MYOM2: variants seen among roughly 807,000 people sequenced by gnomAD.
MYOM2 encodes myomesin 2.
MYOM2 carries 254 observed loss-of-function variants against 187.6 expected under a neutral mutation model. That is an observed-to-expected ratio of 1.35 (90% CI 1.22 to 1.50). MYOM2 has a LOEUF of 1.50. Ranked by LOEUF, MYOM2 falls within the 40% of genes most tolerant of loss-of-function variation. The probability of loss-of-function intolerance (pLI) is 0.00; values close to 1 mark genes in which losing one functional copy is unlikely to be tolerated. For synonymous variants in MYOM2, 981 were observed against 753.8 expected, an observed-to-expected ratio of 1.30 and a Z score of -4.94; for missense variants, 2,796 against 1,924.0, an observed-to-expected ratio of 1.45 and a Z score of -8.48.
chr8:2,057,450 C>T lies in MYOM2; in HGVS notation c.366C>T (p.Ala122=), dbSNP rs1432228265. The T allele has an allele frequency of 1.2e-6, 2 of 1,613,928 alleles. No individual in the cohort carries two copies. Among genetic ancestry groups the T allele is most frequent in the African/African-American group, 2.7e-5 (2 of 74,936 alleles). Residue 122 remains alanine (A), a synonymous_variant, in exon 4 of 37, where the codon GCC becomes GCT. Transcript: ENST00000262113. Reference sequence around the variant, plus strand: ...ATGTCCACCTGGCACGCTCCCAGGCCCGCGACAAGCTGGACAAATACGCCA... The same window carrying T: ...ATGTCCACCTGGCACGCTCCCAGGCTCGCGACAAGCTGGACAAATACGCCA... ...EEDVHLARSQ[A]RDKLDKYAIQ...
chr8:2,124,684 T>G (rs1797576925), intron 31 of MYOM2, among the ~76,000 whole-genome samples: 1 of 152,206 alleles, frequency 6.6e-6, no homozygotes, highest in South Asian at 2.1e-4. Context: ...CACACTCTTT[T>G]CTATAGTGGC....
Position 2,140,735 on chromosome 8 carries a change from C to G in MYOM2, c.3813C>G (p.Ile1271Met), listed in dbSNP as rs1390476540. ...TGCTCTTTTCAAGAGATGCTAAGAT[C>G]TCATCCAGTGAGCATATGAGAATCG... ...KVNWCHKDAK[I>M]SSSEHMRIGG... is the part of the protein sequence containing the mutation. The change falls in exon 33 of 37, where the codon ATC (isoleucine) becomes ATG (methionine). Residue 1271 changes from isoleucine (I) to methionine (M), a missense_variant. Transcript: ENST00000262113. The G allele has an allele frequency of 6.2e-7, 1 of 1,613,800 alleles. No individual in the cohort carries two copies. The highest frequency in any genetic ancestry group is 1.3e-5 in the African/African-American group (1 of 74,902).
chr8:2,077,292 C>T (rs1819460025), intron 11 of MYOM2, among the ~76,000 whole-genome samples: 1 of 151,724 alleles, frequency 6.6e-6, no homozygotes, highest in South Asian at 2.1e-4. Flanking sequence ...CCTGGCAACA[C>T]AGTGAGACTC....
At chr8:2,069,623 C>T (rs1819146847) in intron 8 of MYOM2, 126 bp downstream of exon 8, 2 of 1,231,824 alleles carry the variant, frequency 1.6e-6, no homozygotes, top group Non-Finnish European at 2.3e-6. Flanking sequence ...ACTCTGTCAC[C>T]CAGGCTGGAG....
chr8:2,092,705 C>G (rs1312204352), intron 16 of MYOM2, among the ~76,000 whole-genome samples, 185 bp downstream of exon 16: 4 of 152,198 alleles, frequency 2.6e-5, no homozygotes. Context: ...AGTTACTGCA[C>G]TTGCTCATGT....
intron 36 of MYOM2, among the ~76,000 whole-genome samples, chr8:2,144,222 A>AT (rs1000799412): frequency 5.9e-5 from 9 of 152,202 alleles, no homozygotes; most frequent in East Asian, 3.8e-4. Context: ...TCAAGAATGC[A>AT]TTTTTTTGCC....
At chr8:2,117,581 A>G (rs1396630822) in intron 27 of MYOM2, among the ~76,000 whole-genome samples, 1 of 152,188 alleles carries the variant, frequency 6.6e-6, no homozygotes, top group Non-Finnish European at 1.5e-5. Flanking sequence ...TCTGAAGAGC[A>G]ATAGATATGA....
intron 3 of MYOM2, among the ~76,000 whole-genome samples, chr8:2,056,770 T>C (rs1818679968): frequency 6.6e-6 from 1 of 152,110 alleles, no homozygotes; most frequent in African/African-American, 2.4e-5. Flanking sequence ...CTGACTTCAA[T>C]AGCACCGTTA....
chr8:2,046,333 G>T (rs1297231307), intron 1 of MYOM2, among the ~76,000 whole-genome samples: 2 of 152,180 alleles, frequency 1.3e-5, no homozygotes, highest in African/African-American at 2.4e-5. Context: ...GGAGAGGCTC[G>T]CGTTTCATCC....
At chr8:2,103,819 T>C (rs1796802360) in intron 21 of MYOM2, among the ~76,000 whole-genome samples, 1 of 151,846 alleles carries the variant, frequency 6.6e-6, no homozygotes, top group Admixed American at 6.6e-5. Flanking sequence ...GATAAATGAG[T>C]GGGAGAGTGT....
intron 31 of MYOM2, among the ~76,000 whole-genome samples, chr8:2,126,494 TTACA>T (rs1797642326): frequency 6.6e-6 from 1 of 151,888 alleles, no homozygotes; most frequent in South Asian, 2.1e-4. Flanking sequence ...ATGCACACAC[TTACA>T]TGTGAACTCA....
At chr8:2,055,597 T>G (rs552816350) in intron 3 of MYOM2, among the ~76,000 whole-genome samples, 2 of 152,276 alleles carry the variant, frequency 1.3e-5, no homozygotes, top group African/African-American at 4.8e-5. Context: ...GATTTTAGGG[T>G]TCCTCCCACC....
intron 19 of MYOM2, among the ~76,000 whole-genome samples, chr8:2,099,495 C>A (rs1796611231): frequency 6.6e-6 from 1 of 152,046 alleles, no homozygotes; most frequent in African/African-American, 2.4e-5. Flanking sequence ...TGGGTGAGCT[C>A]CTGCTGTCCT....
rs774732664 is a variant in MYOM2, at chr8:2,052,265, C to T, written c.215C>T (p.Ala72Val). Residue 72 changes from alanine to valine, a missense_variant, in exon 3 of 37, where the codon GCG (alanine) becomes GTG (valine). Transcript: ENST00000262113. ...GGAGGAACCATCTGCAGGGTCTGTG[C>T]GAAGCGAGTGAGCACGCAGGAAGAT... Reference protein sequence around the residue: ...SLGGTICRVCAKRVSTQEDEE... With the variant: ...SLGGTICRVCVKRVSTQEDEE... The T allele has an allele frequency of 1.1e-5, 17 of 1,611,308 alleles. No individual in the cohort carries two copies. The highest frequency in any genetic ancestry group is 1.7e-5 in the Admixed American group (1 of 59,666).
At chr8:2,128,574 T>G (rs1015973101) in intron 31 of MYOM2, among the ~76,000 whole-genome samples, 1 of 152,228 alleles carries the variant, frequency 6.6e-6, no homozygotes, top group Non-Finnish European at 1.5e-5. Context: ...GAATTAGTCT[T>G]CATTTTTATT....
chr8:2,081,945 C>T (rs965903358), intron 13 of MYOM2: 1 of 152,278 alleles, frequency 6.6e-6, no homozygotes, highest in Non-Finnish European at 1.5e-5. Context: ...CTGACTGGGC[C>T]TGTGTCCTCC....
At chr8:2,131,042 C>T (rs1032375616) in intron 32 of MYOM2, among the ~76,000 whole-genome samples, 1 of 152,200 alleles carries the variant, frequency 6.6e-6, no homozygotes, top group Non-Finnish European at 1.5e-5. Flanking sequence ...GGCCACCCCC[C>T]TCTTCAGCCT....
chr8:2,144,846 G>C lies in MYOM2; in HGVS notation c.4263G>C (p.Lys1421Asn), dbSNP rs147283014. The change falls in exon 37 of 37, where the codon AAG becomes AAC. Residue 1421 changes from lysine (K) to asparagine (N), a missense_variant. Physicochemically the swap from Lys to Asn is moderately conservative, Grantham distance 94 (BLOSUM62 0). Transcript: ENST00000262113. ...EDSGKYSINI[K>N]NKYGGEKIDV... ...CGGGCAAGTACAGCATCAACATCAA[G>C]AATAAGTATGGCGGGGAGAAGATCG... 1.4e-4 allele frequency: 228 copies of C among 1,614,052 alleles called. No individual in the cohort carries two copies. Among genetic ancestry groups the C allele is most frequent in the Non-Finnish European group, 1.7e-4 (204 of 1,180,042 alleles).
At chr8:2,066,099 C>A (rs1173458894) in intron 6 of MYOM2, among the ~76,000 whole-genome samples, 3 of 152,250 alleles carry the variant, frequency 2.0e-5, no homozygotes, top group Non-Finnish European at 4.4e-5. Context: ...CACTGAGGAA[C>A]TGGTCATGAC....
Sources: allele counts gnomAD v4.1 joint callset (sites outside exome capture counted in the v4.1 genomes callset), GRCh38; gene constraint gnomAD v4.1.1; transcripts MANE v1.5; gene names NCBI Gene and HGNC (gene_info 2026-07-23, HGNC 2026-07-21).